Variants in LRRC37A2 observed in about 807,000 individuals in gnomAD.
LRRC37A2 encodes leucine-rich repeat-containing protein 37A2.
In LRRC37A2, 9 loss-of-function variants were observed where a neutral mutation model predicts 68.8. The ratio of observed to expected loss-of-function variants is 0.13; its 90% CI spans 0.08 to 0.23. The LOEUF is 0.23. Among genes scored for constraint, LRRC37A2 ranks in the 10% least tolerant of loss-of-function variants. The pLI is 1.00. For synonymous variants in LRRC37A2, 63 were observed against 367.6 expected (o/e 0.17, Z 9.48); for missense variants, 168 against 950.4 (o/e 0.18, Z 10.82).
the LRRC37A2 span, among the ~76,000 whole-genome samples, chr17:46,794,055 G>A: frequency 6.6e-6 from 1 of 152,274 alleles, no homozygotes; most frequent in African/African-American, 2.4e-5. Context: ...AATCTAACAG[G>A]CATGTTCATA....
At chr17:46,748,858 G>A in the LRRC37A2 span, among the ~76,000 whole-genome samples, 2 of 152,332 alleles carry the variant, frequency 1.3e-5, no homozygotes, top group Non-Finnish European at 2.9e-5. Flanking sequence ...ACAAAATGTT[G>A]TCCAAGAAAG....
the LRRC37A2 span, among the ~76,000 whole-genome samples, chr17:46,816,491 A>G: frequency 3.6e-4 from 54 of 150,240 alleles, no homozygotes; most frequent in Middle Eastern, 6.9e-3. Flanking sequence ...ACACACACAC[A>G]CACACACACA....
the LRRC37A2 span, chr17:46,768,236 A>C: frequency 6.3e-7 from 1 of 1,594,090 alleles, no homozygotes; most frequent in Non-Finnish European, 8.5e-7. The surrounding 1 kb of genome is among the most constrained non-coding windows in gnomAD (Gnocchi z 5.0). Flanking sequence ...GGGGTCGTCA[A>C]GAAGACGAGA....
At chr17:46,543,785 A>G (rs2055858542) in intron 8 of LRRC37A2, among the ~76,000 whole-genome samples, 1 of 150,986 alleles carries the variant, frequency 6.6e-6, no homozygotes, top group Admixed American at 6.6e-5. Context: ...TAAGGCTTAA[A>G]GGAAAAAAAG....
At chr17:46,609,194 C>T in the LRRC37A2 span, among the ~76,000 whole-genome samples, 4 of 148,252 alleles carry the variant, frequency 2.7e-5, no homozygotes, top group South Asian at 8.3e-4. Flanking sequence ...GTTGGTTACC[C>T]TGGGTGTGTT....
At chr17:46,887,685 A>G in the LRRC37A2 span, among the ~76,000 whole-genome samples, 1 of 152,050 alleles carries the variant, frequency 6.6e-6, no homozygotes, top group East Asian at 1.9e-4. Context: ...AATCGCTTGA[A>G]CCCAGGAGGT....
the LRRC37A2 span, among the ~76,000 whole-genome samples, chr17:46,831,905 C>T: frequency 1.3e-5 from 2 of 152,264 alleles, no homozygotes; most frequent in African/African-American, 4.8e-5. Flanking sequence ...AGGCCAACAC[C>T]CTTTGTGTTC....
chr17:46,951,388 G>T, the LRRC37A2 span, among the ~76,000 whole-genome samples: 1 of 152,142 alleles, frequency 6.6e-6, no homozygotes, highest in East Asian at 1.9e-4. Flanking sequence ...CATCCTTAAA[G>T]ATTCCCACCC....
the LRRC37A2 span, among the ~76,000 whole-genome samples, chr17:46,812,316 A>G: frequency 6.6e-6 from 1 of 150,920 alleles, no homozygotes; most frequent in Admixed American, 6.6e-5. Context: ...CTGCCTCCCC[A>G]CACATACCTC....
the LRRC37A2 span, among the ~76,000 whole-genome samples, chr17:47,008,280 T>G: frequency 6.6e-6 from 1 of 151,356 alleles, no homozygotes; most frequent in South Asian, 2.1e-4. Flanking sequence ...CCGGCTAACT[T>G]TTTGTATTTT....
At chr17:46,951,433 C>T in the LRRC37A2 span, among the ~76,000 whole-genome samples, 3 of 152,188 alleles carry the variant, frequency 2.0e-5, no homozygotes, top group South Asian at 2.1e-4. Flanking sequence ...GCCCAGCTGC[C>T]GCGCCAGCCC....
chr17:46,867,462 G>T, the LRRC37A2 span, among the ~76,000 whole-genome samples: 100,332 of 152,132 alleles, frequency 0.66, 35,052 homozygotes, highest in African/African-American at 0.88. Flanking sequence ...AGGTCACCTC[G>T]GAGTGAGTCA....
At chr17:46,972,463 G>A in the LRRC37A2 span, among the ~76,000 whole-genome samples, 1 of 152,216 alleles carries the variant, frequency 6.6e-6, no homozygotes, top group East Asian at 1.9e-4. Context: ...TGGGCACCCC[G>A]AGCCCTTGCT....
the LRRC37A2 span, among the ~76,000 whole-genome samples, chr17:46,850,466 A>G: frequency 6.6e-6 from 1 of 152,164 alleles, no homozygotes; most frequent in African/African-American, 2.4e-5. Context: ...CACCTCTCTC[A>G]GCCCCCTACC....
At chr17:47,017,830 T>C in the LRRC37A2 span, 1 of 1,610,330 alleles carries the variant, frequency 6.2e-7, no homozygotes, top group South Asian at 1.1e-5. Context: ...TCTGAGCAAG[T>C]TGGACCTTCT....
At chr17:46,793,486 TCTTCC>T in the LRRC37A2 span, among the ~76,000 whole-genome samples, 3 of 152,104 alleles carry the variant, frequency 2.0e-5, no homozygotes, top group Admixed American at 2.0e-4. Context: ...TTGGTGCAGA[TCTTCC>T]GCACTGGAGG....
chr17:46,928,620 G>A, the LRRC37A2 span, among the ~76,000 whole-genome samples: 1 of 152,246 alleles, frequency 6.6e-6, no homozygotes, highest in Non-Finnish European at 1.5e-5. Flanking sequence ...TTCCAAATGA[G>A]ATGGCAGTTC....
At chr17:46,969,635 C>T in the LRRC37A2 span, among the ~76,000 whole-genome samples, 1 of 152,228 alleles carries the variant, frequency 6.6e-6, no homozygotes, top group Admixed American at 6.5e-5. Flanking sequence ...AGACAGTTTC[C>T]TTATTCAGCA....
the LRRC37A2 span, among the ~76,000 whole-genome samples, chr17:46,927,756 A>G: frequency 6.6e-6 from 1 of 151,876 alleles, no homozygotes; most frequent in Non-Finnish European, 1.5e-5. Flanking sequence ...TATTGTTTCC[A>G]TTGTTACTGC....
Sources: allele counts gnomAD v4.1 joint callset (sites outside exome capture counted in the v4.1 genomes callset), GRCh38; gene constraint gnomAD v4.1.1; non-coding constraint Gnocchi (gnomAD v3.1); transcripts MANE v1.5; gene names NCBI Gene and HGNC (gene_info 2026-07-23, HGNC 2026-07-21).